ADCY5: variants seen among roughly 807,000 people sequenced by gnomAD.
ADCY5 encodes the protein adenylate cyclase 5.
Under a neutral mutation model 119.7 loss-of-function variants are expected in ADCY5, and 30 were observed. The observed-to-expected ratio is 0.25, with a 90% CI of 0.19 to 0.34. ADCY5 has a LOEUF of 0.34. Among genes scored for constraint, ADCY5 ranks in the 10% least tolerant of loss-of-function variants. ADCY5 has a pLI of 1.00. For missense variants in ADCY5, 1,324 were observed against 1,775.2 expected (o/e 0.75, Z 4.57); for synonymous variants, 753 against 762.2 (o/e 0.99, Z 0.20).
At chr3:123,402,889 AC>A (rs1944807859) in intron 1 of ADCY5, among the ~76,000 whole-genome samples, 1 of 151,766 alleles carries the variant, frequency 6.6e-6, no homozygotes, top group East Asian at 1.9e-4. Flanking sequence ...AGTCGTGTCT[AC>A]AATTTCTTCT....
intron 1 of ADCY5, among the ~76,000 whole-genome samples, chr3:123,394,013 C>T (rs966497629): frequency 2.0e-5 from 3 of 152,078 alleles, no homozygotes; most frequent in African/African-American, 7.2e-5. Flanking sequence ...TGGTGATGGG[C>T]ACCTGTAATC....
At chr3:123,386,090 G>A (rs995992614) in intron 1 of ADCY5, among the ~76,000 whole-genome samples, 5 of 152,180 alleles carry the variant, frequency 3.3e-5, no homozygotes, top group African/African-American at 9.7e-5. Context: ...AGAAGATGCA[G>A]CTCTCCTCAG....
Position 123,286,972 on chromosome 3 carries a change from T to C in ADCY5, c.3533-163A>G. The C allele has an allele frequency of 1.1e-6, 1 of 930,450 alleles. No homozygotes were observed. Among genetic ancestry groups the C allele is most frequent in the Non-Finnish European group, 1.5e-6 (1 of 657,242 alleles). 57.6% of individuals were successfully genotyped at this position (930,450 alleles called of 1,614,324 possible). On this transcript the variant is annotated intron_variant, in intron 19 of 20. Transcript: ENST00000462833. The surrounding 1 kb of genome is among the most constrained non-coding windows in gnomAD (Gnocchi z 4.2). ...ACCCTGCAGCCTCCCGCTACCCTGCTCCTGTCAAATGCCTGTGAATGCAAG... is the reference window on the plus strand; with the variant it reads ...ACCCTGCAGCCTCCCGCTACCCTGCCCCTGTCAAATGCCTGTGAATGCAAG...
intron 1 of ADCY5, among the ~76,000 whole-genome samples, chr3:123,387,313 G>C (rs1415108617): frequency 6.6e-6 from 1 of 152,198 alleles, no homozygotes; most frequent in Non-Finnish European, 1.5e-5. Flanking sequence ...TTGAGCCCAT[G>C]TGATATTTAT....
At chr3:123,430,273 G>A (rs1032029054) in intron 1 of ADCY5, among the ~76,000 whole-genome samples, 7 of 152,170 alleles carry the variant, frequency 4.6e-5, no homozygotes, top group Non-Finnish European at 7.3e-5. Flanking sequence ...AATACAGGCC[G>A]GACTCAGCCT....
chr3:123,401,638 G>A (rs189882513), intron 1 of ADCY5, among the ~76,000 whole-genome samples: 1 of 152,118 alleles, frequency 6.6e-6, no homozygotes, highest in African/African-American at 2.4e-5. Flanking sequence ...CAGCATTTCT[G>A]GGGGGTAGGG....
chr3:123,291,268 G>A lies in ADCY5; in HGVS notation c.3172C>T (p.Arg1058Cys), dbSNP rs759519156. 9.3e-6 allele frequency: 15 copies of A among 1,613,978 alleles called. No homozygotes were observed. The highest frequency in any genetic ancestry group is 2.2e-5 in the East Asian group (1 of 44,880). ...VAAHFLARERRNDELYYQSCE... is the reference protein window; with the variant it reads ...VAAHFLARERCNDELYYQSCE... The stretch of plus-strand genomic sequence containing the variant: ...GACTGATAGTAGAGCTCATCATTGC[G>A]CCGCTCGCGGGCCAGGAAGTGAGCG... Residue 1058 changes from arginine (R) to cysteine (C), a missense_variant, in exon 18 of 21, where the codon CGC becomes TGC. Coordinates refer to ENST00000462833, the MANE Select transcript of ADCY5 (RefSeq NM_183357.3).
At chr3:123,437,420 C>T (rs574631599) in intron 1 of ADCY5, among the ~76,000 whole-genome samples, 8 of 152,316 alleles carry the variant, frequency 5.3e-5, no homozygotes, top group Non-Finnish European at 1.0e-4. Flanking sequence ...GTGAAAGGTA[C>T]ATGCCCAGGG....
chr3:123,313,956 T>C (rs1940737703), intron 12 of ADCY5, among the ~76,000 whole-genome samples: 1 of 152,176 alleles, frequency 6.6e-6, no homozygotes, highest in African/African-American at 2.4e-5. Context: ...GTGCATAACA[T>C]GAATAGGCAC....
chr3:123,296,481 G>A (rs1306348120), intron 16 of ADCY5, among the ~76,000 whole-genome samples: 3 of 152,116 alleles, frequency 2.0e-5, no homozygotes, highest in Non-Finnish European at 2.9e-5. Flanking sequence ...CCCATCACTC[G>A]GGAGCTCCCC....
chr3:123,350,045 G>C (rs1249112969), intron 2 of ADCY5, among the ~76,000 whole-genome samples: 2 of 152,202 alleles, frequency 1.3e-5, no homozygotes, highest in Non-Finnish European at 2.9e-5. Flanking sequence ...CTCCACTCCA[G>C]ATAGAGCAGA....
rs1446863282 is a variant in ADCY5 at position 123,448,206 on chromosome 3, C to T, written c.340G>A (p.Gly114Ser). ...GCGCCCCGCCGCTGCCGGCGGCTGC[C>T]GCGACCGCAGTCGTCGCCGCCGCGC... The part of the protein sequence containing the change: ...QERGGDDCGR[G>S]SRRQRRGAAS... The change falls in exon 1 of 21, where the codon GGC (glycine) becomes AGC (serine). Residue 114 changes from glycine (G) to serine (S), a missense_variant. Gly to Ser is a moderately conservative substitution (Grantham distance 56). Transcript: ENST00000462833. The T allele has an allele frequency of 5.5e-6, 7 of 1,273,220 alleles. No homozygotes were observed. Among genetic ancestry groups the T allele is most frequent in the Non-Finnish European group, 6.9e-6 (7 of 1,011,874 alleles). 78.9% of individuals were successfully genotyped at this position (1,273,220 alleles called of 1,614,324 possible).
intron 1 of ADCY5, among the ~76,000 whole-genome samples, chr3:123,429,409 A>G (rs1365045221): frequency 6.6e-6 from 1 of 152,100 alleles, no homozygotes; most frequent in Non-Finnish European, 1.5e-5. Flanking sequence ...GATCCCCCCA[A>G]CCCTGCCCCA....
intron 1 of ADCY5, among the ~76,000 whole-genome samples, chr3:123,375,056 C>T (rs1371676260): frequency 6.6e-6 from 1 of 152,188 alleles, no homozygotes; most frequent in Non-Finnish European, 1.5e-5. Context: ...AGGAATTAAG[C>T]CTCTCACCAT....
In ADCY5 at chr3:123,448,038, C is replaced by T; in HGVS notation, c.508G>A (p.Ala170Thr). ...LEERRGKGRA[A>T]DELEAGAVEG... ...ACGGCGCCGGCCTCCAGCTCGTCGG[C>T]CGCGCGCCCCTTGCCCCGCCGCTCC... is the stretch of plus-strand genomic sequence containing the variant. Residue 170 changes from alanine (A) to threonine (T), a missense_variant, in exon 1 of 21, where the codon GCC becomes ACC. By Grantham distance (58) the Ala-to-Thr change is moderately conservative. Coordinates refer to ENST00000462833, the MANE Select transcript of ADCY5 (RefSeq NM_183357.3). 8.0e-7 allele frequency: 1 copy of T among 1,247,596 alleles called. No homozygotes were observed. Among genetic ancestry groups the T allele is most frequent in the Non-Finnish European group, 1.0e-6 (1 of 997,108 alleles). 77.3% of individuals were successfully genotyped at this position (1,247,596 alleles called of 1,614,324 possible).
At chr3:123,410,232 G>A (rs1307849783) in intron 1 of ADCY5, among the ~76,000 whole-genome samples, 1 of 152,148 alleles carries the variant, frequency 6.6e-6, no homozygotes, top group Non-Finnish European at 1.5e-5. Context: ...CAGAGTGACT[G>A]GAAGCTTCCC....
At chr3:123,337,225 G>T (rs1326824017) in intron 3 of ADCY5, among the ~76,000 whole-genome samples, 1 of 152,162 alleles carries the variant, frequency 6.6e-6, no homozygotes, top group Non-Finnish European at 1.5e-5. Context: ...CTTTGAGGGA[G>T]AGATTTTATC....
intron 12 of ADCY5, among the ~76,000 whole-genome samples, chr3:123,313,778 G>A (rs1940724737): frequency 6.6e-6 from 1 of 152,200 alleles, no homozygotes; most frequent in African/African-American, 2.4e-5. Context: ...TATGTGCTGG[G>A]TGGCTCAAGA....
chr3:123,419,126 C>T, intron 1 of ADCY5: 3 of 984,562 alleles, frequency 3.0e-6, no homozygotes, highest in Non-Finnish European at 3.6e-6. Flanking sequence ...TCTGTTTCTC[C>T]AGGGAACGCT....
Sources: allele counts gnomAD v4.1 joint callset (sites outside exome capture counted in the v4.1 genomes callset), GRCh38; gene constraint gnomAD v4.1.1; non-coding constraint Gnocchi (gnomAD v3.1); transcripts MANE v1.5; gene names NCBI Gene and HGNC (gene_info 2026-07-23, HGNC 2026-07-21).